The following GSG1L variants were observed in gnomAD, a reference collection of about 807,000 sequenced individuals.
GSG1L encodes the protein germ cell-specific gene 1-like protein.
In GSG1L, 24 loss-of-function variants were observed where a neutral mutation model predicts 42.1. That is an observed-to-expected ratio of 0.57 (90% CI 0.41 to 0.80). The LOEUF (loss-of-function observed/expected upper bound fraction) is 0.80, where lower values mean the gene tolerates loss of function less well. Ranked by LOEUF, GSG1L falls within the 30% of genes least tolerant of loss-of-function variation. GSG1L has a pLI of 0.00. For missense variants in GSG1L, 445 were observed against 472.2 expected, an observed-to-expected ratio of 0.94 and a Z score of 0.53; for synonymous variants, 215 against 203.5, an observed-to-expected ratio of 1.06 and a Z score of -0.48.
At chr16:28,047,448 A>T (rs1374279821) in intron 1 of GSG1L, among the ~76,000 whole-genome samples, 1 of 152,208 alleles carries the variant, frequency 6.6e-6, no homozygotes. Flanking sequence ...AAAGAAGTGA[A>T]AGAAGTGAGG....
At chr16:27,829,100 G>GACTT in intron 4 of GSG1L, 144 bp from the exon 5 acceptor site, 1 of 735,252 alleles carries the variant, frequency 1.4e-6, no homozygotes, top group Non-Finnish European at 2.2e-6. Flanking sequence ...AGAAGGATAA[G>GACTT]ACTTGGTCCC....
rs1478070182 is a variant in GSG1L at position 28,063,405 on chromosome 16, C to T, written c.20G>A (p.Gly7Asp). Residue 7 changes from glycine (G) to aspartate (D), a missense_variant, in exon 1 of 7, where the codon GGC (glycine) becomes GAC (aspartate). This residue lies in a region of GSG1L where 156 missense variants were observed against 128.3 expected (regional missense o/e 1.22). Transcript: ENST00000447459. The surrounding 1 kb of genome is among the most constrained non-coding windows in gnomAD (Gnocchi z 5.8). ...CAGGGCCACGGCCAGGAGCGCTCGG[C>T]CGCGGCGGCTAGTCTTCATGCCGCC... MKTSRR[G>D]RALLAVALNL... 7.6e-7 allele frequency: 1 copy of T among 1,321,390 alleles called. No homozygotes were observed. Among genetic ancestry groups the T allele is most frequent in the Middle Eastern group, 2.8e-4 (1 of 3,534 alleles). The allele number at this position is 1,321,390 out of a possible 1,614,324, so 81.9% of individuals were successfully genotyped here.
intron 5 of GSG1L, among the ~76,000 whole-genome samples, chr16:27,821,714 C>T (rs1285146400): frequency 6.6e-6 from 1 of 151,788 alleles, no homozygotes; most frequent in Non-Finnish European, 1.5e-5. Context: ...TCCTGGGTAA[C>T]ACGGTGAAAC....
chr16:27,885,414 G>T (rs112181409), intron 2 of GSG1L, among the ~76,000 whole-genome samples: 1 of 152,184 alleles, frequency 6.6e-6, no homozygotes. Context: ...CTCCCTAAGT[G>T]CTGGGATTAC....
chr16:27,926,938 T>G (rs1271999585), intron 2 of GSG1L, among the ~76,000 whole-genome samples: 3 of 152,118 alleles, frequency 2.0e-5, no homozygotes, highest in Non-Finnish European at 2.9e-5. Context: ...GTAAGGAAAC[T>G]GAGGCTCGGA....
intron 2 of GSG1L, among the ~76,000 whole-genome samples, chr16:27,894,945 C>G (rs887277542): frequency 6.6e-6 from 1 of 152,102 alleles, no homozygotes; most frequent in African/African-American, 2.4e-5. Flanking sequence ...AAAGGGCTGT[C>G]TGGAAGAGAG....
chr16:27,862,620 C>T (rs952866535), intron 3 of GSG1L, among the ~76,000 whole-genome samples: 2 of 152,230 alleles, frequency 1.3e-5, no homozygotes, highest in Non-Finnish European at 2.9e-5. Flanking sequence ...GGCAAAATGG[C>T]TCTGGGGCTG....
At chr16:27,844,408 G>A (rs2083420028) in intron 4 of GSG1L, among the ~76,000 whole-genome samples, 1 of 151,906 alleles carries the variant, frequency 6.6e-6, no homozygotes, top group African/African-American at 2.4e-5. Context: ...TCCACAGCTC[G>A]CCTAACTTCA....
At chr16:27,962,724 G>A (rs558172030) in intron 2 of GSG1L, among the ~76,000 whole-genome samples, 1 of 152,228 alleles carries the variant, frequency 6.6e-6, no homozygotes, top group South Asian at 2.1e-4. Context: ...CTCTCTGGAT[G>A]GTGGCATCCA....
chr16:27,894,033 A>G (rs1437569024), intron 2 of GSG1L, among the ~76,000 whole-genome samples: 4 of 152,236 alleles, frequency 2.6e-5, no homozygotes, highest in Non-Finnish European at 1.5e-5. Context: ...GATTATGGGC[A>G]TGAGCCACCA....
chr16:28,020,903 G>T (rs1203560668), intron 1 of GSG1L, among the ~76,000 whole-genome samples: 1 of 152,160 alleles, frequency 6.6e-6, no homozygotes, highest in Non-Finnish European at 1.5e-5. Flanking sequence ...AGTCTCAGAT[G>T]ACTGCAGCTT....
At chr16:27,847,294 G>A (rs1311845550) in intron 3 of GSG1L, among the ~76,000 whole-genome samples, 11 of 152,144 alleles carry the variant, frequency 7.2e-5, no homozygotes, top group African/African-American at 2.4e-4. Flanking sequence ...GGTGGGTATG[G>A]TTCCTCCAGG....
intron 4 of GSG1L, among the ~76,000 whole-genome samples, chr16:27,838,113 CCTCTT>C (rs1282990633): frequency 8.5e-5 from 13 of 152,186 alleles, no homozygotes; most frequent in African/African-American, 3.1e-4. Context: ...AAGATTATCT[CCTCTT>C]CTATCCCAGA....
At chr16:27,874,392 A>G (rs1252050990) in intron 3 of GSG1L, among the ~76,000 whole-genome samples, 4 of 142,920 alleles carry the variant, frequency 2.8e-5, no homozygotes, top group South Asian at 2.3e-4. Context: ...AATCGTGCCT[A>G]TGTCATAAAA....
intron 2 of GSG1L, among the ~76,000 whole-genome samples, chr16:27,911,019 A>C (rs1480925082): frequency 1.3e-5 from 2 of 149,762 alleles, no homozygotes; most frequent in Non-Finnish European, 2.9e-5. Flanking sequence ...TCTAAAAAAC[A>C]ACAACAACAA....
chr16:27,876,434 A>T (rs2083887794), intron 3 of GSG1L, among the ~76,000 whole-genome samples: 1 of 152,208 alleles, frequency 6.6e-6, no homozygotes, highest in Non-Finnish European at 1.5e-5. Flanking sequence ...TGAACACAGA[A>T]CTTAGATCTG....
chr16:28,048,365 C>T (rs889714415), intron 1 of GSG1L, among the ~76,000 whole-genome samples: 2 of 152,182 alleles, frequency 1.3e-5, no homozygotes, highest in East Asian at 3.9e-4. Context: ...ATTGCATAGG[C>T]TACTTTCTCT....
At chr16:27,791,808 C>A (rs566605351) in intron 6 of GSG1L, among the ~76,000 whole-genome samples, 5 of 152,206 alleles carry the variant, frequency 3.3e-5, no homozygotes, top group Non-Finnish European at 7.4e-5. Flanking sequence ...GCACCTCACA[C>A]CTGCCAACAG....
intron 1 of GSG1L, among the ~76,000 whole-genome samples, chr16:28,018,469 C>A (rs937219645): frequency 2.0e-5 from 3 of 152,182 alleles, no homozygotes; most frequent in Admixed American, 1.3e-4. Flanking sequence ...TATGCCCCCA[C>A]ATCCTTCCAT....
Sources: gnomAD v4.1 joint callset for allele counts (sites outside exome capture counted in the v4.1 genomes callset) on GRCh38, gnomAD v4.1.1 for gene constraint, gnomAD v4.1.1 regional missense constraint, Gnocchi (gnomAD v3.1) non-coding constraint, MANE v1.5 for transcripts, NCBI Gene and HGNC (gene_info 2026-07-23, HGNC 2026-07-21) for gene names.